The following MYBL1 variants were observed in gnomAD, a reference collection of about 807,000 sequenced individuals.
MYBL1 encodes the protein myb-related protein A.
In MYBL1, 17 loss-of-function variants were observed where a neutral mutation model predicts 96.3. The ratio of observed to expected loss-of-function variants is 0.18; its 90% CI spans 0.12 to 0.26. The LOEUF (loss-of-function observed/expected upper bound fraction) is 0.26, where lower values mean the gene tolerates loss of function less well. MYBL1 is among the 10% of genes least tolerant of loss of function. The pLI, the probability that MYBL1 is intolerant of heterozygous loss-of-function variation, is 1.00. For synonymous variants in MYBL1, 282 were observed against 292.7 expected (o/e 0.96, Z 0.37); for missense variants, 701 against 882.9 (o/e 0.79, Z 2.61).
In MYBL1 at chr8:66,577,525, C is replaced by T. The variant is rs1001879183; in HGVS notation, c.1102-1150G>A. Among the ~76,000 whole-genome samples, 13 of 152,212 alleles carry T rather than the reference C, an allele frequency of 8.5e-5. No individual in the cohort carries two copies. The South Asian group carries it at 2.1e-3, about 24-fold the overall frequency. On this transcript the variant is annotated intron_variant, in intron 9 of 15. Coordinates refer to ENST00000522677, the MANE Select transcript of MYBL1 (RefSeq NM_001080416.4). The stretch of plus-strand genomic sequence containing the variant: ...ACTTAGGAATCCAGCTTACAAGGGA[C>T]GTGAAGGACCTCTTCAAGGAGAACT...
chr8:66,565,950 T>C, intron 15 of MYBL1, 114 bp downstream of exon 15: 2 of 752,140 alleles, frequency 2.7e-6, no homozygotes, highest in South Asian at 2.0e-5. Context: ...GTTTAGTTAC[T>C]GTTACAATCA....
At chr8:66,570,870 G>A (rs1042046672) in intron 12 of MYBL1, among the ~76,000 whole-genome samples, 4 of 151,992 alleles carry the variant, frequency 2.6e-5, no homozygotes, top group East Asian at 1.9e-4. Context: ...TAATGTATAC[G>A]CATAAATAAA....
At position 66,564,809 on chromosome 8, in the gene MYBL1, T is replaced by G; in HGVS notation, c.2147A>C (p.Glu716Ala). Residue 716 changes from glutamate to alanine, a missense_variant, in exon 16 of 16, where the codon GAA (glutamate) becomes GCA (alanine). Glu to Ala is a moderately radical substitution (Grantham distance 107). This residue lies in a region of MYBL1 where 137 missense variants were observed against 137.5 expected (regional missense o/e 1.00). Transcript: ENST00000522677. ...TTCTGTCTTCCCATAAACCACTGTT[T>G]CCCATTCACAATTTGACTAGAAAGG... ...EKNLQSNCEWETVVYGKTEDQ... is the reference protein window; with the variant it reads ...EKNLQSNCEWATVVYGKTEDQ... The G allele has an allele frequency of 6.4e-7, 1 of 1,567,550 alleles. No individual in the cohort carries two copies. The highest frequency in any genetic ancestry group is 1.3e-5 in the African/African-American group (1 of 74,122).
chr8:66,581,727 T>C (rs979827755), intron 8 of MYBL1, among the ~76,000 whole-genome samples: 2 of 152,036 alleles, frequency 1.3e-5, no homozygotes, highest in African/African-American at 4.8e-5. Flanking sequence ...ATCCCATATA[T>C]GGAAATCTTT....
At chr8:66,582,568 A>AT (rs1338525256) in intron 8 of MYBL1, among the ~76,000 whole-genome samples, 1 of 133,670 alleles carries the variant, frequency 7.5e-6, no homozygotes, top group African/African-American at 2.7e-5. Flanking sequence ...AAAAAAAAAA[A>AT]TTAGCTGGAC....
chr8:66,612,670 C>T (rs1810578008), intron 1 of MYBL1, 149 bp downstream of exon 1: 1 of 936,206 alleles, frequency 1.1e-6, no homozygotes, highest in Non-Finnish European at 1.4e-6. Context: ...GCCCTCCGGT[C>T]ATCGAGGCCA....
In MYBL1 at chr8:66,562,670, G is replaced by A. The variant is rs1278684835; in HGVS notation, c.*2027C>T. ...TTGCAGACTATGTATATCCAGGTAA[G>A]GGCTACATTAAAAACAACAACAACA... On this transcript the variant is annotated 3_prime_UTR_variant, in exon 16 of 16. Coordinates refer to ENST00000522677, the MANE Select transcript of MYBL1 (RefSeq NM_001080416.4). 1 of 152,322 alleles carries A rather than the reference G, an allele frequency of 6.6e-6. No individual in the cohort carries two copies. 9.4% of individuals were successfully genotyped at this position (152,322 alleles called of 1,614,324 possible). A position where few individuals can be genotyped will look rare whatever the true frequency, so the allele number is the denominator to read the frequency against.
At chr8:66,598,282 T>C (rs1414815495) in intron 4 of MYBL1, among the ~76,000 whole-genome samples, 1 of 152,190 alleles carries the variant, frequency 6.6e-6, no homozygotes, top group African/African-American at 2.4e-5. Flanking sequence ...AAGTTTGTTC[T>C]GGCTGGGCAT....
At position 66,566,187 on chromosome 8, in the gene MYBL1, G is replaced by A. The variant is rs1004380293; in HGVS notation, c.2007C>T (p.Asp669=). The part of the protein sequence containing the change: ...LLMIPLLEIH[D]NRCNLIPEKQ... ...TTTCAGGAATCAAGTTGCACCTATTGTCATGTATTTCCAATAATGGTATCA... is the reference window on the plus strand; with the variant it reads ...TTTCAGGAATCAAGTTGCACCTATTATCATGTATTTCCAATAATGGTATCA... Residue 669 remains aspartate, a synonymous_variant, in exon 15 of 16, where the codon GAC becomes GAT. Transcript: ENST00000522677. 7.9e-6 allele frequency: 12 copies of A among 1,518,806 alleles called. No individual in the cohort carries two copies. The highest frequency in any genetic ancestry group is 1.1e-5 in the Non-Finnish European group (12 of 1,116,318). 94.1% of individuals were successfully genotyped at this position (1,518,806 alleles called of 1,614,324 possible).
Position 66,603,485 on chromosome 8 carries a change from TGAC to T in MYBL1, c.21-965_21-963del, listed in dbSNP as rs1415991356. On this transcript the variant is annotated intron_variant, in intron 1 of 15. Coordinates refer to ENST00000522677, the MANE Select transcript of MYBL1 (RefSeq NM_001080416.4). ...GTCTTGAACAAATGGAAGAACATTC[TGAC>T]TTTTTTTTTTTTTTCCAGACAGGGT... Among the ~76,000 whole-genome samples, 4 of 151,486 alleles carry T rather than the reference TGAC, an allele frequency of 2.6e-5. No homozygotes were observed. In the East Asian group the frequency reaches 7.7e-4, roughly 29 times the overall value.
At position 66,602,493 on chromosome 8, in the gene MYBL1, G is replaced by A. The variant is rs184202336; in HGVS notation, c.51C>T (p.Ala17=). 171 of 1,606,840 alleles carry A rather than the reference G, an allele frequency of 1.1e-4. No homozygotes were observed. Among genetic ancestry groups the A allele is most frequent in the Admixed American group, 7.4e-4 (44 of 59,498 alleles). The change falls in exon 2 of 16, where the codon GCC becomes GCT. Residue 17 remains alanine (A), a synonymous_variant. Transcript: ENST00000522677. ...GTTGTGGTACTTCATAATCATGATC[G>A]GCATACTGAAGGTCATCATCCTCAT... ...SEDEDDDLQY[A]DHDYEVPQQK... is the part of the protein sequence containing the mutation.
At chr8:66,598,725 GTTAA>G (rs1385024881) in intron 4 of MYBL1, among the ~76,000 whole-genome samples, 2 of 152,150 alleles carry the variant, frequency 1.3e-5, no homozygotes, top group Non-Finnish European at 2.9e-5. Flanking sequence ...GTTTTAAAAT[GTTAA>G]TTAGATTTTT....
In MYBL1 at chr8:66,575,995, G is replaced by A; in HGVS notation, c.1470+12C>T. On this transcript the variant is annotated intron_variant, in intron 10 of 15. Transcript: ENST00000522677. ...TGACATTTAGAAACATAAACAAAAT[G>A]AACACCACTACCTGTGAAGGAGAAA... is the stretch of plus-strand genomic sequence containing the variant. 1 of 1,597,460 alleles carries A rather than the reference G, an allele frequency of 6.3e-7. No individual in the cohort carries two copies. Among genetic ancestry groups the A allele is most frequent in the Non-Finnish European group, 8.5e-7 (1 of 1,170,048 alleles).
intron 3 of MYBL1, among the ~76,000 whole-genome samples, chr8:66,601,133 T>C (rs967229213): frequency 7.7e-6 from 1 of 130,142 alleles, no homozygotes; most frequent in African/African-American, 3.0e-5. Context: ...GCCGAGATCG[T>C]GCCATTGCCC....
intron 8 of MYBL1, among the ~76,000 whole-genome samples, chr8:66,582,541 CAAAAAAAAAA>C (rs34952299): frequency 3.1e-4 from 15 of 48,262 alleles, no homozygotes; most frequent in Middle Eastern, 0.02. Flanking sequence ...TCCATCTCTA[CAAAAAAAAAA>C]AAAAAAAAAA....
At chr8:66,589,018 C>A (rs532040346) in intron 8 of MYBL1, among the ~76,000 whole-genome samples, 3 of 152,178 alleles carry the variant, frequency 2.0e-5, no homozygotes, top group African/African-American at 7.2e-5. Flanking sequence ...GACTCCAACA[C>A]AAAAAGAAAT....
At chr8:66,602,693 G>A (rs1159490676) in intron 1 of MYBL1, among the ~76,000 whole-genome samples, 170 bp from the exon 2 acceptor site, 2 of 133,010 alleles carry the variant, frequency 1.5e-5, no homozygotes, top group African/African-American at 5.7e-5. Context: ...GCGGGGTGGG[G>A]TGGAGCTATA....
At chr8:66,603,392 A>G (rs1305721365) in intron 1 of MYBL1, among the ~76,000 whole-genome samples, 1 of 152,194 alleles carries the variant, frequency 6.6e-6, no homozygotes, top group African/African-American at 2.4e-5. Flanking sequence ...CAATACCAAC[A>G]ATAAAAAAAA....
At chr8:66,578,476 A>C (rs1462612089) in intron 9 of MYBL1, among the ~76,000 whole-genome samples, 2 of 152,252 alleles carry the variant, frequency 1.3e-5, no homozygotes, top group Non-Finnish European at 2.9e-5. Flanking sequence ...AGACACTTGA[A>C]AAAATGCTCA....
Sources: allele counts gnomAD v4.1 joint callset (sites outside exome capture counted in the v4.1 genomes callset), GRCh38; gene constraint gnomAD v4.1.1; regional missense constraint gnomAD v4.1.1; transcripts MANE v1.5; gene names NCBI Gene and HGNC (gene_info 2026-07-23, HGNC 2026-07-21).